IFNGR2: variants seen among roughly 807,000 people sequenced by gnomAD.
IFNGR2 encodes the protein interferon gamma receptor 2.
Under a neutral mutation model 41.1 loss-of-function variants are expected in IFNGR2, and 15 were observed. The observed-to-expected ratio is 0.37, with a 90% CI of 0.24 to 0.56. IFNGR2 has a LOEUF of 0.56. Among genes scored for constraint, IFNGR2 ranks in the 20% least tolerant of loss-of-function variants. The probability of loss-of-function intolerance (pLI) is 0.81; values close to 1 mark genes in which losing one functional copy is unlikely to be tolerated. For missense variants in IFNGR2, 362 were observed against 415.7 expected (o/e 0.87, Z 1.12); for synonymous variants, 161 against 171.6 (o/e 0.94, Z 0.48).
chr21:33,414,752 TG>T, intron 1 of IFNGR2, 135 bp from the exon 2 acceptor site: 1 of 1,052,128 alleles, frequency 9.5e-7, no homozygotes, highest in Non-Finnish European at 1.4e-6. Context: ...CAGGGGGACC[TG>T]GTAATGCCAT....
rs553530056 is a variant in IFNGR2, at chr21:33,416,778, T to C, written c.206+1758T>C. On this transcript the variant is annotated intron_variant, in intron 2 of 6. Transcript: ENST00000290219. ...CAGAGCTTGCAGTGAACCGAGATCGTGCCACTGCACTCCAGGCTGGGCGAC... is the reference window on the plus strand; with the variant it reads ...CAGAGCTTGCAGTGAACCGAGATCGCGCCACTGCACTCCAGGCTGGGCGAC... Among the ~76,000 whole-genome samples, 146 of 144,030 alleles carry C rather than the reference T, an allele frequency of 1.0e-3. 2 individuals are homozygous for C. The East Asian group carries it at 0.021, about 20-fold the overall frequency. 94.5% of individuals were successfully genotyped at this position (144,030 alleles called of 152,430 possible).
In IFNGR2 at chr21:33,432,288, A is replaced by G. The variant is rs1319457534; in HGVS notation, c.673A>G (p.Arg225Gly). ...QLLWNKSNIF[R>G]VGHLSNISCY... The stretch of plus-strand genomic sequence containing the variant: ...GCTTTGGAACAAAAGTAACATCTTT[A>G]GAGTCGGGCATTTAAGCAACATATC... Residue 225 changes from arginine to glycine, a missense_variant, in exon 5 of 7, where the codon AGA becomes GGA. Coordinates refer to ENST00000290219, the MANE Select transcript of IFNGR2 (RefSeq NM_005534.4). The G allele has an allele frequency of 1.2e-6, 2 of 1,614,042 alleles. No homozygotes were observed. Among genetic ancestry groups the G allele is most frequent in the African/African-American group, 2.7e-5 (2 of 74,950 alleles).
chr21:33,418,348 G>A (rs374268295), intron 2 of IFNGR2, among the ~76,000 whole-genome samples: 11 of 152,252 alleles, frequency 7.2e-5, no homozygotes, highest in African/African-American at 1.9e-4. Context: ...AAGCCATCAC[G>A]CCCAGCCTAG....
At chr21:33,418,867 C>T (rs570690105) in intron 2 of IFNGR2, among the ~76,000 whole-genome samples, 89 of 152,190 alleles carry the variant, frequency 5.8e-4, no homozygotes, top group African/African-American at 1.8e-3. Context: ...TGCAGACAGT[C>T]GGGCAGCAAG....
intron 1 of IFNGR2, chr21:33,411,398 A>C (rs1187582210): frequency 2.1e-6 from 1 of 469,840 alleles, no homozygotes; most frequent in Non-Finnish European, 4.4e-6. Context: ...AGGTGCCCGG[A>C]AAGGGAAGTC....
chr21:33,405,103 GAAAAAA>G (rs3057379), intron 1 of IFNGR2, among the ~76,000 whole-genome samples: 5 of 119,834 alleles, frequency 4.2e-5, no homozygotes, highest in Non-Finnish European at 9.0e-5. Flanking sequence ...CTCTGTCTCA[GAAAAAA>G]AAAAAAAAAA....
At chr21:33,417,759 A>G (rs17883080) in intron 2 of IFNGR2, among the ~76,000 whole-genome samples, 193 of 152,264 alleles carry the variant, frequency 1.3e-3, no homozygotes, top group Non-Finnish European at 2.0e-3. Context: ...AGAGCTAAAC[A>G]AGAAGCTTGT....
At chr21:33,427,067 T>C in intron 4 of IFNGR2, 35 bp downstream of exon 4, 2 of 1,590,968 alleles carry the variant, frequency 1.3e-6, no homozygotes, top group Non-Finnish European at 1.7e-6. Context: ...TGGATTTTCT[T>C]TTCTTTGCAG....
intron 1 of IFNGR2, among the ~76,000 whole-genome samples, chr21:33,404,948 C>A (rs984563270): frequency 6.6e-6 from 1 of 152,062 alleles, no homozygotes; most frequent in Non-Finnish European, 1.5e-5. Context: ...CATGGTGAAA[C>A]CCCCGTCTGT....
chr21:33,411,525 T>C lies in IFNGR2; in HGVS notation c.74-3363T>C, dbSNP rs982022290. 2.3e-5 allele frequency: 11 copies of C among 470,856 alleles called. No individual in the cohort carries two copies. In the Admixed American group the frequency reaches 2.6e-4, roughly 11 times the overall value. 29.2% of individuals were successfully genotyped at this position (470,856 alleles called of 1,614,324 possible). A position where few individuals can be genotyped will look rare whatever the true frequency, so the allele number is the denominator to read the frequency against. On this transcript the variant is annotated intron_variant, in intron 1 of 6. Transcript: ENST00000290219. Reference sequence around the variant, plus strand: ...TCCACGCCCTCATCCTCAGAGTCCGTGAACCTGGGAATGTGCTGCCTGACG... The same window carrying C: ...TCCACGCCCTCATCCTCAGAGTCCGCGAACCTGGGAATGTGCTGCCTGACG...
At chr21:33,425,221 G>C (rs1006924574) in intron 3 of IFNGR2, among the ~76,000 whole-genome samples, 1 of 152,062 alleles carries the variant, frequency 6.6e-6, no homozygotes, top group African/African-American at 2.4e-5. Context: ...TGCCCATCCC[G>C]TGATACCCTT....
At chr21:33,408,076 A>G (rs948716413) in intron 1 of IFNGR2, among the ~76,000 whole-genome samples, 19 of 152,130 alleles carry the variant, frequency 1.2e-4, no homozygotes, top group African/African-American at 4.6e-4. Context: ...GAAAGATCCT[A>G]AAGGGTCAGT....
chr21:33,408,122 ATATTT>A (rs1451996684), intron 1 of IFNGR2, among the ~76,000 whole-genome samples: 9 of 152,162 alleles, frequency 5.9e-5, no homozygotes, highest in Non-Finnish European at 1.0e-4. Context: ...AATGTTAATT[ATATTT>A]TATTTTATTA....
chr21:33,407,027 A>T (rs1479466704), intron 1 of IFNGR2, among the ~76,000 whole-genome samples: 1 of 152,138 alleles, frequency 6.6e-6, no homozygotes, highest in Non-Finnish European at 1.5e-5. Context: ...AAAATATGGG[A>T]CCTGTGGCAA....
At chr21:33,403,412 T>G (rs1420510315), upstream of IFNGR2, 3 of 369,846 alleles carry the variant, frequency 8.1e-6, no homozygotes, top group Non-Finnish European at 1.2e-5. Context: ...GACGCCCCGC[T>G]GCTGCTCGGG....
intron 2 of IFNGR2, among the ~76,000 whole-genome samples, chr21:33,417,781 C>A (rs546454796): frequency 1.3e-5 from 2 of 151,986 alleles, no homozygotes; most frequent in African/African-American, 4.8e-5. Context: ...GTGAGAGTCA[C>A]GGCTGATGTA....
intron 4 of IFNGR2, among the ~76,000 whole-genome samples, chr21:33,430,183 G>A (rs2083873657): frequency 1.3e-5 from 2 of 152,160 alleles, no homozygotes; most frequent in South Asian, 4.1e-4. Context: ...CCAGATGTCA[G>A]CTAAGGGTTG....
At chr21:33,407,821 C>A (rs1009313048) in intron 1 of IFNGR2, among the ~76,000 whole-genome samples, 1 of 151,208 alleles carries the variant, frequency 6.6e-6, no homozygotes, top group Non-Finnish European at 1.5e-5. Context: ...GTCTCGAACT[C>A]CTGACCTCAA....
chr21:33,436,544 G>T (rs1010985565), intron 6 of IFNGR2, among the ~76,000 whole-genome samples: 1 of 151,970 alleles, frequency 6.6e-6, no homozygotes, highest in Admixed American at 6.6e-5. Context: ...CCAACATAGT[G>T]AAACCCTGTC....
Sources: allele counts gnomAD v4.1 joint callset (sites outside exome capture counted in the v4.1 genomes callset), GRCh38; gene constraint gnomAD v4.1.1; transcripts MANE v1.5; gene names NCBI Gene and HGNC (gene_info 2026-07-23, HGNC 2026-07-21).